The following TECR variants were observed in gnomAD, a reference collection of about 807,000 sequenced individuals.
TECR encodes trans-2,3-enoyl-CoA reductase.
TECR carries 19 observed loss-of-function variants against 50.6 expected under a neutral mutation model. The ratio of observed to expected loss-of-function variants is 0.38; its 90% CI spans 0.26 to 0.55. The LOEUF (loss-of-function observed/expected upper bound fraction) is 0.55, where lower values mean the gene tolerates loss of function less well. Ranked by LOEUF, TECR falls within the 20% of genes least tolerant of loss-of-function variation. The pLI is 0.79. For missense variants in TECR, 313 were observed against 408.3 expected, an observed-to-expected ratio of 0.77 and a Z score of 2.01; for synonymous variants, 168 against 163.5, an observed-to-expected ratio of 1.03 and a Z score of -0.21.
chr19:14,559,927 C>T (rs369139416), intron 1 of TECR, among the ~76,000 whole-genome samples: 11 of 152,288 alleles, frequency 7.2e-5, no homozygotes, highest in Admixed American at 2.0e-4. Flanking sequence ...AAATGGGAGA[C>T]GGACGGCCGT....
intron 1 of TECR, among the ~76,000 whole-genome samples, chr19:14,542,347 G>GGGTTTTT (rs2073124658): frequency 1.2e-4 from 5 of 43,280 alleles, no homozygotes; most frequent in African/African-American, 4.1e-4. Flanking sequence ...ATGCCATAGT[G>GGGTTTTT]TTTTTTTTTT....
intron 1 of TECR, among the ~76,000 whole-genome samples, chr19:14,551,946 CCT>C (rs71166756): frequency 0.43 from 30,681 of 70,976 alleles, 7,284 homozygotes; most frequent in African/African-American, 0.55. Flanking sequence ...TCCCTCCCTC[CCT>C]CTCTCTCTCT....
At chr19:14,553,849 T>C (rs1599472154) in intron 1 of TECR, among the ~76,000 whole-genome samples, 1 of 152,050 alleles carries the variant, frequency 6.6e-6, no homozygotes, top group South Asian at 2.1e-4. Context: ...GGATGGTGAG[T>C]GCCTGGCTGG....
At chr19:14,562,834 G>T (rs1408910774) in intron 2 of TECR, among the ~76,000 whole-genome samples, 1 of 152,130 alleles carries the variant, frequency 6.6e-6, no homozygotes, top group Non-Finnish European at 1.5e-5. Context: ...CCCTGCTGAG[G>T]CCGGGCCTGG....
In TECR at chr19:14,563,779, C is replaced by A. The variant is rs1416015273; in HGVS notation, c.164-21C>A. The stretch of plus-strand genomic sequence containing the variant: ...GGAGAAGGCCCGGGTAGCCCCTGAG[C>A]CCTGGCCCGCCTCTCTGCAGAGGGC... On this transcript the variant is annotated intron_variant, in intron 4 of 12. Coordinates refer to ENST00000215567, the MANE Select transcript of TECR (RefSeq NM_138501.6). The surrounding 1 kb of genome is among the most constrained non-coding windows in gnomAD (Gnocchi z 5.3). The A allele has an allele frequency of 6.2e-7, 1 of 1,612,694 alleles. No homozygotes were observed. The highest frequency in any genetic ancestry group is 1.1e-5 in the South Asian group (1 of 91,046).
At chr19:14,553,896 C>T (rs1322413236) in intron 1 of TECR, among the ~76,000 whole-genome samples, 1 of 152,146 alleles carries the variant, frequency 6.6e-6, no homozygotes, top group African/African-American at 2.4e-5. Flanking sequence ...TGTGTCTTTA[C>T]CTGGGGCCCT....
chr19:14,529,490 G>T (rs1281932591), upstream of TECR: 4 of 703,452 alleles, frequency 5.7e-6, no homozygotes, highest in Non-Finnish European at 7.8e-6. Context: ...CCTAGTCTTG[G>T]TTCGGACCGG....
upstream of TECR, among the ~76,000 whole-genome samples, chr19:14,528,174 G>A (rs996230826): frequency 6.6e-5 from 10 of 151,674 alleles, no homozygotes; most frequent in African/African-American, 2.2e-4. Context: ...GTGAGCCACC[G>A]TGCCTGGCCA....
chr19:14,549,887 G>T (rs1180976593), intron 1 of TECR, among the ~76,000 whole-genome samples: 1 of 151,784 alleles, frequency 6.6e-6, no homozygotes, highest in East Asian at 1.9e-4. Context: ...AGGTTGCAGT[G>T]AGCCGAGATT....
rs112138127 is a variant in TECR at position 14,535,590 on chromosome 19, G to A, written c.15+5879G>A. 9.3e-3 allele frequency among the ~76,000 whole-genome samples: 251 copies of A among 26,930 alleles called. 4 individuals are homozygous for A. Among genetic ancestry groups the A allele is most frequent in the African/African-American group, 0.025 (203 of 8,076 alleles). The allele number at this position is 26,930 out of a possible 152,430, so 17.7% of individuals were successfully genotyped here. A position where few individuals can be genotyped will look rare whatever the true frequency, so the allele number is the denominator to read the frequency against. The stretch of plus-strand genomic sequence containing the variant: ...TATATATATATATATATATATATAT[G>A]TATGTATATATAAATTAGCCAGGCA... On this transcript the variant is annotated intron_variant, in intron 1 of 12. Coordinates refer to ENST00000215567, the MANE Select transcript of TECR (RefSeq NM_138501.6).
At chr19:14,538,500 C>G (rs955929861) in intron 1 of TECR, among the ~76,000 whole-genome samples, 1 of 151,614 alleles carries the variant, frequency 6.6e-6, no homozygotes, top group Non-Finnish European at 1.5e-5. Context: ...CTTTTGGCAC[C>G]TGACCTCTTT....
chr19:14,548,100 C>T lies in TECR; in HGVS notation c.16-14425C>T, dbSNP rs1354367960. The stretch of plus-strand genomic sequence containing the variant: ...GCCTCAGCCTCCCAAGTAGCTGGGA[C>T]TACAGGCGCCCACCACCATGCCCAG... On this transcript the variant is annotated intron_variant, in intron 1 of 12. Transcript: ENST00000215567. Among the ~76,000 whole-genome samples the T allele has an allele frequency of 6.8e-4, 103 of 151,328 alleles. 1 individual carries two copies. In the South Asian group the frequency reaches 0.022, roughly 32 times the overall value.
chr19:14,542,292 T>G (rs1026988079), intron 1 of TECR, among the ~76,000 whole-genome samples: 1 of 148,028 alleles, frequency 6.8e-6, no homozygotes, highest in Non-Finnish European at 1.5e-5. Flanking sequence ...CCTAAAAGAT[T>G]CCCTATTGGA....
chr19:14,560,332 C>T (rs1004244918), intron 1 of TECR, among the ~76,000 whole-genome samples: 1 of 152,138 alleles, frequency 6.6e-6, no homozygotes, highest in Non-Finnish European at 1.5e-5. Flanking sequence ...GGCCTTCTCT[C>T]CCTGTGGACG....
rs765505868 is a variant in TECR at position 14,563,211 on chromosome 19, G to A, written c.72G>A (p.Glu24=). The change falls in exon 3 of 13, where the codon GAG becomes GAA. Residue 24 remains glutamate, a synonymous_variant. Coordinates refer to ENST00000215567, the MANE Select transcript of TECR (RefSeq NM_138501.6). This position sits in a 1 kb window ranked among gnomAD's most constrained non-coding sequence, Gnocchi z 5.3. The part of the protein sequence containing the change: ...REKLCFLDKV[E]PHATIAEIKN... ...TGCGCCTGTGCTTCCCCCAGGTGGA[G>A]CCCCACGCCACCATTGCGGAGATCA... is the stretch of plus-strand genomic sequence containing the variant. 1.2e-6 allele frequency: 2 copies of A among 1,613,506 alleles called. No individual in the cohort carries two copies. Among genetic ancestry groups the A allele is most frequent in the African/African-American group, 1.3e-5 (1 of 74,760 alleles).
At chr19:14,564,145 C>T (rs751845964) in intron 6 of TECR, 37 bp from the exon 7 acceptor site, 20 of 1,605,668 alleles carry the variant, frequency 1.2e-5, no homozygotes, top group African/African-American at 8.0e-5. Context: ...GAAGACCTGC[C>T]GGACCAGCCC....
chr19:14,548,988 T>G (rs762470923), intron 1 of TECR, among the ~76,000 whole-genome samples: 2 of 151,550 alleles, frequency 1.3e-5, no homozygotes, highest in Non-Finnish European at 2.9e-5. Context: ...GAATTTAATT[T>G]TCACATATCA....
chr19:14,561,526 C>T (rs1200151058), intron 1 of TECR, among the ~76,000 whole-genome samples: 1 of 152,144 alleles, frequency 6.6e-6, no homozygotes, highest in Non-Finnish European at 1.5e-5. Context: ...TGGCACAGGC[C>T]TGGCTCTTGG....
Position 14,565,971 on chromosome 19 carries a change from C to T in TECR, c.*100C>T. 2 of 1,553,186 alleles carry T rather than the reference C, an allele frequency of 1.3e-6. No homozygotes were observed. Among genetic ancestry groups the T allele is most frequent in the Non-Finnish European group, 1.7e-6 (2 of 1,149,846 alleles). ...AGCACCCGGAATAAAGCCCGCCTGC[C>T]CCAGTCGGACTCGGGCTCTGTGTGT... On this transcript the variant is annotated 3_prime_UTR_variant, in exon 13 of 13. Transcript: ENST00000215567.
Sources: allele counts gnomAD v4.1 joint callset (sites outside exome capture counted in the v4.1 genomes callset), GRCh38; gene constraint gnomAD v4.1.1; non-coding constraint Gnocchi (gnomAD v3.1); transcripts MANE v1.5; gene names NCBI Gene and HGNC (gene_info 2026-07-23, HGNC 2026-07-21).